The following OR2L13 variants were observed in gnomAD, a reference collection of about 807,000 sequenced individuals.
OR2L13 encodes olfactory receptor 2L13.
A neutral mutation model predicts 15.3 loss-of-function variants in OR2L13; 14 were observed. The observed-to-expected ratio is 0.91, with a 90% confidence interval of 0.60 to 1.43. The LOEUF (loss-of-function observed/expected upper bound fraction) is 1.43, where lower values mean the gene tolerates loss of function less well. Among genes scored for constraint, OR2L13 ranks in the 40% most tolerant of loss-of-function variants. OR2L13 has a pLI of 0.00. For missense variants in OR2L13, 367 were observed against 387.9 expected (o/e 0.95, Z 0.45); for synonymous variants, 152 against 142.9 (o/e 1.06, Z -0.45).
At chr1:248,001,226 G>T in the OR2L13 span, among the ~76,000 whole-genome samples, 1 of 151,962 alleles carries the variant, frequency 6.6e-6, no homozygotes, top group Admixed American at 6.6e-5. Flanking sequence ...GAGTTATTTT[G>T]ATGAACTCCA....
At chr1:248,084,705 T>C in the OR2L13 span, 1 of 1,457,366 alleles carries the variant, frequency 6.9e-7, no homozygotes, top group South Asian at 1.4e-5. Flanking sequence ...AATTCACAAA[T>C]GTCATGGTTT....
the OR2L13 span, among the ~76,000 whole-genome samples, chr1:248,021,286 G>A: frequency 1.7e-4 from 26 of 152,168 alleles, no homozygotes; most frequent in Middle Eastern, 3.4e-3. Context: ...TAGAGAATAC[G>A]ATTTTTTTTC....
the OR2L13 span, among the ~76,000 whole-genome samples, chr1:248,019,717 G>A: frequency 2.2e-3 from 330 of 150,834 alleles, 1 homozygote; most frequent in Middle Eastern, 3.4e-3. Flanking sequence ...TTTCCTCCTC[G>A]TCCTCCTCCT....
At chr1:247,941,150 A>C in the OR2L13 span, among the ~76,000 whole-genome samples, 133,006 of 152,076 alleles carry the variant, frequency 0.87, 60,918 homozygotes, top group East Asian at 1. Context: ...GGCATTAGAT[A>C]TTTGTCAGAT....
chr1:248,017,980 A>G, the OR2L13 span, among the ~76,000 whole-genome samples: 1 of 152,002 alleles, frequency 6.6e-6, no homozygotes, highest in Non-Finnish European at 1.5e-5. Context: ...CGTCTCTACT[A>G]AAAGTATATG....
the OR2L13 span, among the ~76,000 whole-genome samples, chr1:247,962,033 C>T: frequency 1.3e-5 from 2 of 152,126 alleles, no homozygotes; most frequent in Non-Finnish European, 2.9e-5. Flanking sequence ...TATGATCCCT[C>T]CCCTCCTCCA....
chr1:248,086,140 T>C, the OR2L13 span, among the ~76,000 whole-genome samples: 1 of 152,358 alleles, frequency 6.6e-6, no homozygotes, highest in East Asian at 1.9e-4. Flanking sequence ...TAGATCATTT[T>C]ATGTTGCCAT....
chr1:247,949,342 T>A, the OR2L13 span: 1 of 1,614,218 alleles, frequency 6.2e-7, no homozygotes, highest in Non-Finnish European at 8.5e-7. Flanking sequence ...ACTGTATATG[T>A]ACTCCATATT....
At chr1:248,003,005 T>C in the OR2L13 span, 1 of 631,718 alleles carries the variant, frequency 1.6e-6, no homozygotes, top group East Asian at 2.7e-5. Context: ...TGGTAGGCTA[T>C]TTATTATAGC....
the OR2L13 span, among the ~76,000 whole-genome samples, chr1:248,000,304 G>T: frequency 6.6e-6 from 1 of 152,042 alleles, no homozygotes; most frequent in South Asian, 2.1e-4. Context: ...AACTCAAGAA[G>T]ACCATCCTCC....
chr1:248,071,315 C>T, the OR2L13 span, among the ~76,000 whole-genome samples: 3 of 151,714 alleles, frequency 2.0e-5, no homozygotes, highest in Admixed American at 6.6e-5. Flanking sequence ...TGCAAGGCTG[C>T]TTCAATATAT....
chr1:248,010,763 G>GTTTTTTT, the OR2L13 span, among the ~76,000 whole-genome samples: 488 of 44,486 alleles, frequency 0.011, 2 homozygotes, highest in Non-Finnish European at 0.012. Flanking sequence ...CTTTGTTGTT[G>GTTTTTTT]TTTTTTTTTT....
At chr1:248,033,203 T>C in the OR2L13 span, among the ~76,000 whole-genome samples, 1 of 152,190 alleles carries the variant, frequency 6.6e-6, no homozygotes, top group Non-Finnish European at 1.5e-5. Flanking sequence ...TATACTTTTA[T>C]GGTTTTAGCT....
chr1:247,993,804 AG>A, the OR2L13 span, among the ~76,000 whole-genome samples: 2 of 136,442 alleles, frequency 1.5e-5, no homozygotes, highest in African/African-American at 7.2e-5. Context: ...AGAGAGAGAG[AG>A]AGAGAGAAAG....
At chr1:248,072,475 T>G in the OR2L13 span, among the ~76,000 whole-genome samples, 3 of 152,050 alleles carry the variant, frequency 2.0e-5, no homozygotes, top group Non-Finnish European at 2.9e-5. Flanking sequence ...CAAAAATTAA[T>G]TCAAGATGGA....
At chr1:247,970,754 C>T in the OR2L13 span, among the ~76,000 whole-genome samples, 7 of 152,164 alleles carry the variant, frequency 4.6e-5, no homozygotes, top group African/African-American at 1.4e-4. Flanking sequence ...GAGTTACTCA[C>T]GTAACTTTAT....
the OR2L13 span, among the ~76,000 whole-genome samples, chr1:248,018,586 A>G: frequency 2.6e-5 from 4 of 152,232 alleles, no homozygotes; most frequent in Non-Finnish European, 5.9e-5. Flanking sequence ...CTTAAAATGT[A>G]TTTGGAATTC....
the OR2L13 span, among the ~76,000 whole-genome samples, chr1:248,083,357 C>CT: frequency 9.9e-5 from 15 of 151,936 alleles, no homozygotes; most frequent in Non-Finnish European, 2.2e-4. Flanking sequence ...TTGTTAATTT[C>CT]TTTTTTTAGA....
At chr1:248,014,120 C>A in the OR2L13 span, among the ~76,000 whole-genome samples, 5 of 152,126 alleles carry the variant, frequency 3.3e-5, no homozygotes, top group South Asian at 1.0e-3. Context: ...GGTTTGATTT[C>A]TTTTGCCACA....
Sources: allele counts gnomAD v4.1 joint callset (sites outside exome capture counted in the v4.1 genomes callset), GRCh38; gene constraint gnomAD v4.1.1; transcripts MANE v1.5; gene names NCBI Gene and HGNC (gene_info 2026-07-23, HGNC 2026-07-21).